Variants in MACROD1 observed in about 807,000 individuals in gnomAD.
MACROD1 encodes mono-ADP ribosylhydrolase 1, also known as ADP-ribose glycohydrolase MACROD1.
MACROD1 carries 31 observed loss-of-function variants against 41.4 expected under a neutral mutation model. That is an observed-to-expected ratio of 0.75 (90% CI 0.56 to 1.01). The LOEUF is 1.01. MACROD1 is among the 50% of genes least tolerant of loss of function. The probability of loss-of-function intolerance (pLI) is 0.00; values close to 1 mark genes in which losing one functional copy is unlikely to be tolerated. For missense variants in MACROD1, 473 were observed against 460.0 expected (o/e 1.03, Z -0.26); for synonymous variants, 252 against 203.4 (o/e 1.24, Z -2.03).
Position 64,067,208 on chromosome 11 carries a change from A to C in MACROD1, c.518-51927T>G, listed in dbSNP as rs1232109412. On this transcript the variant is annotated intron_variant, in intron 3 of 10. Transcript: ENST00000255681. This position sits in a 1 kb window ranked among gnomAD's most constrained non-coding sequence, Gnocchi z 4.6. ...ACATGCGGCTCCAAGGAGATGGCAG[A>C]TGGGAGGGGTGGGGAGAGGCCTTGC... 2.0e-5 allele frequency among the ~76,000 whole-genome samples: 3 copies of C among 152,024 alleles called. No homozygotes were observed. Among genetic ancestry groups the C allele is most frequent in the African/African-American group, 7.2e-5 (3 of 41,402 alleles).
At chr11:64,154,913 T>C (rs1945643965) in intron 1 of MACROD1, among the ~76,000 whole-genome samples, 1 of 152,170 alleles carries the variant, frequency 6.6e-6, no homozygotes, top group Admixed American at 6.5e-5. Flanking sequence ...GAGATGGGGT[T>C]TCACCATGTT....
intron 3 of MACROD1, among the ~76,000 whole-genome samples, chr11:64,042,331 C>T (rs1943503452): frequency 6.6e-6 from 1 of 152,200 alleles, no homozygotes; most frequent in Non-Finnish European, 1.5e-5. Context: ...GGCTGCCCCA[C>T]CCTTCCCGTG....
intron 3 of MACROD1, chr11:64,116,609 C>G: frequency 6.2e-7 from 1 of 1,614,202 alleles, no homozygotes; most frequent in East Asian, 2.2e-5. Flanking sequence ...TCTACCTATA[C>G]GAGAATGACC....
chr11:64,060,968 C>T (rs901523324), intron 3 of MACROD1, among the ~76,000 whole-genome samples: 2 of 151,866 alleles, frequency 1.3e-5, no homozygotes, highest in Admixed American at 1.3e-4. Context: ...GCTCCCGGGC[C>T]GCCAGGCGAC....
At chr11:64,091,464 T>A (rs1002304751) in intron 3 of MACROD1, among the ~76,000 whole-genome samples, 1 of 73,542 alleles carries the variant, frequency 1.4e-5, no homozygotes, top group Non-Finnish European at 2.7e-5. Context: ...GGGAGGTGGA[T>A]GTGGGGGACG....
chr11:64,030,598 G>A (rs1489308919), intron 3 of MACROD1, among the ~76,000 whole-genome samples: 2 of 152,110 alleles, frequency 1.3e-5, no homozygotes, highest in Non-Finnish European at 2.9e-5. Flanking sequence ...CAAACACAAC[G>A]CCAGAGAAAA....
At chr11:64,037,216 C>A (rs1339062344) in intron 3 of MACROD1, among the ~76,000 whole-genome samples, 1 of 152,192 alleles carries the variant, frequency 6.6e-6, no homozygotes, top group Non-Finnish European at 1.5e-5. Context: ...GGAAACCAGC[C>A]CCTCCACATC....
intron 3 of MACROD1, among the ~76,000 whole-genome samples, chr11:64,094,228 C>T (rs1216052932): frequency 6.6e-6 from 1 of 152,134 alleles, no homozygotes; most frequent in Non-Finnish European, 1.5e-5. Flanking sequence ...GTCAGGAGTT[C>T]AAGACCAACC....
intron 3 of MACROD1, among the ~76,000 whole-genome samples, chr11:64,050,551 C>T (rs1229497575): frequency 2.0e-5 from 3 of 152,224 alleles, no homozygotes; most frequent in Non-Finnish European, 4.4e-5. Context: ...CTGGTGAGGA[C>T]AGCCCTCCCT....
At chr11:64,038,650 C>T (rs1288351264) in intron 3 of MACROD1, among the ~76,000 whole-genome samples, 1 of 152,196 alleles carries the variant, frequency 6.6e-6, no homozygotes, top group East Asian at 1.9e-4. Flanking sequence ...CAGACATCCC[C>T]AGAATCAGGG....
In MACROD1 at chr11:64,000,423, C is replaced by T. The variant is rs320153; in HGVS notation, c.548-80G>A. On this transcript the variant is annotated intron_variant, in intron 4 of 10. Transcript: ENST00000255681. Reference sequence around the variant, plus strand: ...TGAGCACCCTCAGTCCCGAGAAGCCCCTCGGCGATGCGAGGACCCATGCGG... The same window carrying T: ...TGAGCACCCTCAGTCCCGAGAAGCCTCTCGGCGATGCGAGGACCCATGCGG... The T allele has an allele frequency of 4.9e-3, 4,663 of 949,648 alleles. 150 individuals carry two copies. The African/African-American group carries it at 0.069, about 14-fold the overall frequency. The allele number at this position is 949,648 out of a possible 1,614,324, so 58.8% of individuals were successfully genotyped here. A position where few individuals can be genotyped will look rare whatever the true frequency, so the allele number is the denominator to read the frequency against.
chr11:64,076,001 C>T (rs1944193949), intron 3 of MACROD1, among the ~76,000 whole-genome samples: 1 of 152,242 alleles, frequency 6.6e-6, no homozygotes, highest in Admixed American at 6.5e-5. Flanking sequence ...CATGCTGCTA[C>T]CTCAGGCTGG....
chr11:64,055,959 C>T (rs1005125095), intron 3 of MACROD1, among the ~76,000 whole-genome samples: 64 of 152,304 alleles, frequency 4.2e-4, no homozygotes, highest in East Asian at 1.9e-3. Context: ...TATCAGCACC[C>T]GGGGAGCTCC....
At chr11:64,041,739 T>C (rs990755787) in intron 3 of MACROD1, among the ~76,000 whole-genome samples, 2 of 152,160 alleles carry the variant, frequency 1.3e-5, no homozygotes, top group Admixed American at 6.5e-5. Context: ...TCTTGGGTCT[T>C]GGATCCAATT....
intron 3 of MACROD1, among the ~76,000 whole-genome samples, chr11:64,057,616 C>T (rs1165071956): frequency 6.6e-6 from 1 of 152,202 alleles, no homozygotes. Flanking sequence ...GACCTACACC[C>T]AAGGGCCTGG....
At chr11:64,085,109 A>G (rs923665269) in intron 3 of MACROD1, among the ~76,000 whole-genome samples, 2 of 152,226 alleles carry the variant, frequency 1.3e-5, no homozygotes, top group African/African-American at 4.8e-5. Context: ...TTTCAAGCCC[A>G]TGCAGTGGGG....
chr11:64,046,151 T>A (rs1448106436), intron 3 of MACROD1, among the ~76,000 whole-genome samples: 1 of 152,148 alleles, frequency 6.6e-6, no homozygotes, highest in African/African-American at 2.4e-5. Flanking sequence ...ACCCGGCTTC[T>A]CTTAGCATGG....
chr11:64,095,633 C>T (rs373026272), intron 3 of MACROD1, among the ~76,000 whole-genome samples: 1 of 152,196 alleles, frequency 6.6e-6, no homozygotes, highest in Admixed American at 6.5e-5. Context: ...CCCAGCTGCA[C>T]CTGAGTAACT....
At chr11:64,107,987 A>G (rs1167688256) in intron 3 of MACROD1, among the ~76,000 whole-genome samples, 1 of 152,172 alleles carries the variant, frequency 6.6e-6, no homozygotes, top group Non-Finnish European at 1.5e-5. Context: ...CATTGAAAGT[A>G]ACCTTATTTT....
Sources: gnomAD v4.1 joint callset for allele counts (sites outside exome capture counted in the v4.1 genomes callset) on GRCh38, gnomAD v4.1.1 for gene constraint, Gnocchi (gnomAD v3.1) non-coding constraint, MANE v1.5 for transcripts, NCBI Gene and HGNC (gene_info 2026-07-23, HGNC 2026-07-21) for gene names.